Variants in APBB2 observed in about 807,000 individuals in gnomAD.
APBB2 encodes amyloid beta precursor protein binding family B member 2, also known as Fe65-like 1.
APBB2 carries 38 observed loss-of-function variants against 82.5 expected under a neutral mutation model. That is an observed-to-expected ratio of 0.46 (90% CI 0.36 to 0.60). APBB2 has a LOEUF of 0.60. Ranked by LOEUF, APBB2 falls within the 20% of genes least tolerant of loss-of-function variation. The pLI, the probability that APBB2 is intolerant of heterozygous loss-of-function variation, is 0.00. For missense variants in APBB2, 772 were observed against 972.3 expected, an observed-to-expected ratio of 0.79 and a Z score of 2.74; for synonymous variants, 341 against 368.2, an observed-to-expected ratio of 0.93 and a Z score of 0.85.
intron 12 of APBB2, among the ~76,000 whole-genome samples, chr4:40,835,175 C>G (rs1421099133): frequency 6.6e-6 from 1 of 151,400 alleles, no homozygotes; most frequent in Non-Finnish European, 1.5e-5. Flanking sequence ...ACTCAGGAGG[C>G]TGAGGCAGGA....
At chr4:41,080,088 G>A (rs1737049260) in intron 3 of APBB2, among the ~76,000 whole-genome samples, 1 of 152,198 alleles carries the variant, frequency 6.6e-6, no homozygotes, top group African/African-American at 2.4e-5. Context: ...CTTTCAGAGA[G>A]ACGAGGCAGT....
rs149993234 is a variant in APBB2, at chr4:40,838,987, C to T, written c.1530-8410G>A. On this transcript the variant is annotated intron_variant, in intron 12 of 17. Coordinates refer to ENST00000508593, the MANE Select transcript of APBB2 (RefSeq NM_004307.2). ...CTAGAGTATTTCCATGATAGGACAT[C>T]TCGTTTCTTTAATAAATCAGCCTGT... 4.7e-4 allele frequency among the ~76,000 whole-genome samples: 72 copies of T among 152,326 alleles called. 1 individual carries two copies. In the East Asian group the frequency reaches 0.013, roughly 27 times the overall value.
chr4:41,110,603 CA>C (rs33958550), intron 2 of APBB2, among the ~76,000 whole-genome samples: 30,266 of 111,552 alleles, frequency 0.27, 3,157 homozygotes, highest in African/African-American at 0.39. Flanking sequence ...GACTCTGTCT[CA>C]AAAAAAAAAA....
At chr4:41,166,616 G>A (rs1392295872) in intron 1 of APBB2, among the ~76,000 whole-genome samples, 3 of 150,752 alleles carry the variant, frequency 2.0e-5, no homozygotes, top group Admixed American at 6.6e-5. Flanking sequence ...AGCCGGGTGC[G>A]GTGGCTCAGT....
At chr4:41,079,739 G>A (rs1736902912) in intron 3 of APBB2, among the ~76,000 whole-genome samples, 1 of 152,072 alleles carries the variant, frequency 6.6e-6, no homozygotes, top group Non-Finnish European at 1.5e-5. Flanking sequence ...AGTAGAGACG[G>A]GGTTTCACCG....
At chr4:41,086,310 C>A (rs1739631284) in intron 3 of APBB2, among the ~76,000 whole-genome samples, 2 of 152,192 alleles carry the variant, frequency 1.3e-5, no homozygotes. Context: ...TTTTAAACTC[C>A]TATCAGACCA....
At chr4:40,973,833 G>A (rs1483353356) in intron 6 of APBB2, among the ~76,000 whole-genome samples, 1 of 149,620 alleles carries the variant, frequency 6.7e-6, no homozygotes, top group African/African-American at 2.5e-5. Context: ...TTCTGTGTGT[G>A]TGTCTGTCTC....
chr4:41,198,674 A>G, intron 1 of APBB2, among the ~76,000 whole-genome samples: 29,620 of 152,092 alleles, frequency 0.19, 3,849 homozygotes, highest in African/African-American at 0.37. Context: ...AGAAACTGCT[A>G]TAAACTGGGT....
intron 10 of APBB2, among the ~76,000 whole-genome samples, chr4:40,907,998 GTGTGTA>G (rs941523014): frequency 6.6e-6 from 1 of 151,734 alleles, no homozygotes; most frequent in Admixed American, 6.6e-5. Flanking sequence ...GTGTGTGTAT[GTGTGTA>G]TGTGTATGTG....
intron 6 of APBB2, among the ~76,000 whole-genome samples, chr4:40,988,723 A>C (rs960370394): frequency 6.7e-6 from 1 of 150,220 alleles, no homozygotes; most frequent in Non-Finnish European, 1.5e-5. Flanking sequence ...TATTACTGTG[A>C]CGAATGATAA....
At chr4:40,819,611 T>A (rs915516404) in intron 17 of APBB2, among the ~76,000 whole-genome samples, 3 of 151,374 alleles carry the variant, frequency 2.0e-5, no homozygotes. Context: ...TCCCATCTCT[T>A]AAAAAAAATA....
chr4:41,156,487 T>C (rs1468501089), intron 1 of APBB2, among the ~76,000 whole-genome samples: 1 of 152,216 alleles, frequency 6.6e-6, no homozygotes, highest in Non-Finnish European at 1.5e-5. Context: ...TTCATTTCTT[T>C]TCTTTCATTT....
chr4:41,100,155 T>C (rs1028131324), intron 3 of APBB2, among the ~76,000 whole-genome samples: 1 of 152,202 alleles, frequency 6.6e-6, no homozygotes, highest in Non-Finnish European at 1.5e-5. Flanking sequence ...CAAAGCTACA[T>C]GAAGAATTTA....
intron 12 of APBB2, among the ~76,000 whole-genome samples, chr4:40,837,747 T>C (rs765216617): frequency 6.6e-6 from 1 of 152,192 alleles, no homozygotes; most frequent in Non-Finnish European, 1.5e-5. Context: ...ATGAGAATCA[T>C]TGCGTTTTCT....
intron 6 of APBB2, among the ~76,000 whole-genome samples, chr4:40,946,645 G>GTT (rs1320338093): frequency 6.6e-6 from 1 of 151,932 alleles, no homozygotes; most frequent in African/African-American, 2.4e-5. Context: ...GAGATGGAGG[G>GTT]GTAATAAGGG....
At chr4:41,010,689 G>C (rs909298879) in intron 6 of APBB2, among the ~76,000 whole-genome samples, 10 of 152,070 alleles carry the variant, frequency 6.6e-5, no homozygotes. Flanking sequence ...TAAATAAATC[G>C]TGGAACTTGT....
chr4:40,945,844 G>A (rs959731122), intron 6 of APBB2, among the ~76,000 whole-genome samples: 11 of 152,102 alleles, frequency 7.2e-5, no homozygotes, highest in East Asian at 3.9e-4. Context: ...TCCTGACCTC[G>A]TGATCCGCCA....
chr4:40,886,082 A>G (rs535980587), intron 12 of APBB2, among the ~76,000 whole-genome samples: 1 of 152,234 alleles, frequency 6.6e-6, no homozygotes, highest in Non-Finnish European at 1.5e-5. Flanking sequence ...TATAGGGCTC[A>G]TTGGCGAAGT....
chr4:41,011,180 T>G (rs1015078471), intron 6 of APBB2, among the ~76,000 whole-genome samples: 9 of 151,928 alleles, frequency 5.9e-5, no homozygotes, highest in Non-Finnish European at 1.3e-4. Flanking sequence ...TAATTTAATT[T>G]TATTTTTAAA....
Sources: allele counts gnomAD v4.1 joint callset (sites outside exome capture counted in the v4.1 genomes callset), GRCh38; gene constraint gnomAD v4.1.1; transcripts MANE v1.5; gene names NCBI Gene and HGNC (gene_info 2026-07-23, HGNC 2026-07-21).